Variants in TIAM1 observed in about 807,000 individuals in gnomAD.
TIAM1 encodes the protein rho guanine nucleotide exchange factor TIAM1.
TIAM1 carries 65 observed loss-of-function variants against 163.5 expected under a neutral mutation model. That is an observed-to-expected ratio of 0.40 (90% CI 0.33 to 0.49). TIAM1 has a LOEUF of 0.49. TIAM1 is among the 20% of genes least tolerant of loss of function. The probability of loss-of-function intolerance (pLI) is 0.77; values close to 1 mark genes in which losing one functional copy is unlikely to be tolerated. For missense variants in TIAM1, 1,789 were observed against 2,044.7 expected, an observed-to-expected ratio of 0.87 and a Z score of 2.41; for synonymous variants, 833 against 810.1, an observed-to-expected ratio of 1.03 and a Z score of -0.48.
intron 20 of TIAM1, among the ~76,000 whole-genome samples, chr21:31,145,957 T>G (rs1205070590): frequency 6.6e-6 from 1 of 152,144 alleles, no homozygotes; most frequent in East Asian, 1.9e-4. Context: ...AGTCACAGTT[T>G]CCAAGAACCT....
intron 2 of TIAM1, among the ~76,000 whole-genome samples, chr21:31,287,618 G>C (rs537346691): frequency 6.6e-6 from 1 of 152,278 alleles, no homozygotes; most frequent in African/African-American, 2.4e-5. Context: ...TTTACACAAA[G>C]AGAAGGACAG....
intron 10 of TIAM1, among the ~76,000 whole-genome samples, chr21:31,210,656 A>G (rs1450560816): frequency 0.011 from 223 of 19,508 alleles, 16 homozygotes; most frequent in African/African-American, 0.05. Context: ...AAAGAAAGAA[A>G]GAAAGAAAGA....
intron 2 of TIAM1, among the ~76,000 whole-genome samples, chr21:31,438,179 C>CTTTTTTTTTTGTT (rs2044281099): frequency 1.6e-5 from 1 of 62,686 alleles, no homozygotes; most frequent in African/African-American, 7.0e-5. Flanking sequence ...TATTTGTGAT[C>CTTTTTTTTTTGTT]TTTTTTTTTT....
intron 2 of TIAM1, among the ~76,000 whole-genome samples, chr21:31,351,578 C>T (rs561613144): frequency 1.1e-4 from 17 of 152,254 alleles, no homozygotes; most frequent in African/African-American, 3.6e-4. Context: ...GGAGGGAGGA[C>T]GCAGTCAAAC....
At chr21:31,233,693 G>A (rs6517020) in intron 6 of TIAM1, among the ~76,000 whole-genome samples, 27,014 of 152,146 alleles carry the variant, frequency 0.18, 3,405 homozygotes, top group East Asian at 0.4. Context: ...CAACAAGAGC[G>A]AGACTCCGTC....
rs146696624 is a variant in TIAM1, at chr21:31,271,546, G to C, written c.-11-4563C>G. Among the ~76,000 whole-genome samples, 122 of 152,252 alleles carry C rather than the reference G, an allele frequency of 8.0e-4. 1 individual carries two copies. In the East Asian group the frequency reaches 0.023, roughly 28 times the overall value. On this transcript the variant is annotated intron_variant, in intron 3 of 27. Transcript: ENST00000541036. ...GTGAGGGTGTTCAGCTTGTGCTCCA[G>C]TGTGTTCCCCTCCCCACCCCCAATT...
chr21:31,423,670 T>C (rs1386096595), intron 2 of TIAM1, among the ~76,000 whole-genome samples: 1 of 119,066 alleles, frequency 8.4e-6, no homozygotes, highest in East Asian at 2.6e-4. Context: ...ATCCTTCACA[T>C]GTGAGATCAT....
chr21:31,251,983 C>T lies in TIAM1; in HGVS notation c.1170G>A (p.Glu390=), dbSNP rs2071835576. ...CGCTGTTGGTGGTGCTCATCTCCAG[C>T]TCCCGCCGGAAGTTCTCGTACACCC... is the stretch of plus-strand genomic sequence containing the variant. ...RQGVYENFRR[E]LEMSTTNSES... is the part of the protein sequence containing the mutation. The change falls in exon 5 of 28, where the codon GAG becomes GAA. Residue 390 remains glutamate (E), a synonymous_variant. Transcript: ENST00000541036. The T allele has an allele frequency of 6.2e-7, 1 of 1,613,862 alleles. No individual in the cohort carries two copies. The highest frequency in any genetic ancestry group is 1.7e-5 in the Admixed American group (1 of 60,008).
chr21:31,489,108 G>A (rs150113735), intron 1 of TIAM1, among the ~76,000 whole-genome samples: 56 of 151,644 alleles, frequency 3.7e-4, no homozygotes, highest in African/African-American at 1.3e-3. Context: ...AGTAGCTCAC[G>A]CCTGCAATTG....
intron 2 of TIAM1, among the ~76,000 whole-genome samples, chr21:31,350,488 G>A (rs1030029081): frequency 5.9e-5 from 9 of 152,204 alleles, no homozygotes; most frequent in African/African-American, 2.2e-4. Context: ...CTGGTGGGAG[G>A]TGATTAGATC....
At chr21:31,544,321 G>A (rs902342203) in intron 1 of TIAM1, among the ~76,000 whole-genome samples, 1 of 60,900 alleles carries the variant, frequency 1.6e-5, no homozygotes, top group Admixed American at 1.8e-4. Flanking sequence ...AGGATGAAAA[G>A]CCCATTTCTT....
intron 1 of TIAM1, among the ~76,000 whole-genome samples, chr21:31,540,717 TTTTC>T (rs1305235006): frequency 1.3e-5 from 2 of 152,236 alleles, no homozygotes; most frequent in Admixed American, 1.3e-4. Flanking sequence ...TTGTTCATAG[TTTTC>T]TTTTGTTTGT....
At chr21:31,386,313 G>C (rs1196764031) in intron 2 of TIAM1, among the ~76,000 whole-genome samples, 1 of 152,102 alleles carries the variant, frequency 6.6e-6, no homozygotes, top group African/African-American at 2.4e-5. Flanking sequence ...TGGCTTCTCA[G>C]GGAATGGAGA....
chr21:31,329,570 T>C (rs2075609824), intron 2 of TIAM1, among the ~76,000 whole-genome samples: 1 of 152,130 alleles, frequency 6.6e-6, no homozygotes, highest in African/African-American at 2.4e-5. Flanking sequence ...ACCATATGAA[T>C]CAGCTCACCA....
intron 2 of TIAM1, among the ~76,000 whole-genome samples, chr21:31,298,765 T>TGTGA (rs1401401460): frequency 7.5e-6 from 1 of 133,924 alleles, no homozygotes; most frequent in African/African-American, 3.4e-5. Context: ...TGTGTGTGTG[T>TGTGA]GTGAGAAACA....
intron 2 of TIAM1, among the ~76,000 whole-genome samples, chr21:31,321,079 G>A (rs1343784347): frequency 6.6e-6 from 1 of 152,008 alleles, no homozygotes; most frequent in Non-Finnish European, 1.5e-5. Context: ...CTGAGTCCAG[G>A]AGTTTGAGGC....
Position 31,153,081 on chromosome 21 carries a change from A to G in TIAM1, c.3225T>C (p.Phe1075=). ...RYLKPLQKET[F]LTQDELDVLF... is the part of the protein sequence containing the mutation. ...TCCAGCATACCTCATCCTGGGTGAG[A>G]AAAGTTTCTTTTTGAAGAGGCTTTA... Residue 1075 remains phenylalanine, a synonymous_variant, in exon 18 of 28, where the codon TTT becomes TTC. Coordinates refer to ENST00000541036, the MANE Select transcript of TIAM1 (RefSeq NM_001353694.2). 1 of 1,613,756 alleles carries G rather than the reference A, an allele frequency of 6.2e-7. No individual in the cohort carries two copies. Among genetic ancestry groups the G allele is most frequent in the Non-Finnish European group, 8.5e-7 (1 of 1,179,910 alleles).
intron 2 of TIAM1, among the ~76,000 whole-genome samples, chr21:31,390,109 T>C (rs1240463818): frequency 6.6e-6 from 1 of 152,224 alleles, no homozygotes; most frequent in Non-Finnish European, 1.5e-5. Flanking sequence ...TGAGAGATTT[T>C]TGGAGAATTT....
chr21:31,222,808 C>T (rs2087697738), intron 8 of TIAM1, among the ~76,000 whole-genome samples: 1 of 144,892 alleles, frequency 6.9e-6, no homozygotes, highest in Non-Finnish European at 1.5e-5. Context: ...ACAACCTCCT[C>T]CTAGGTTCAA....
Sources: allele counts gnomAD v4.1 joint callset (sites outside exome capture counted in the v4.1 genomes callset), GRCh38; gene constraint gnomAD v4.1.1; transcripts MANE v1.5; gene names NCBI Gene and HGNC (gene_info 2026-07-23, HGNC 2026-07-21).